Variants in KIF6 observed in about 807,000 individuals in gnomAD.
KIF6 encodes the protein kinesin-like protein KIF6.
KIF6 carries 106 observed loss-of-function variants against 112.7 expected under a neutral mutation model. The ratio of observed to expected loss-of-function variants is 0.94; its 90% CI spans 0.80 to 1.11. The LOEUF (loss-of-function observed/expected upper bound fraction) is 1.11, where lower values mean the gene tolerates loss of function less well. Ranked by LOEUF, KIF6 falls within the 50% of genes least tolerant of loss-of-function variation. The probability of loss-of-function intolerance (pLI) is 0.00; values close to 1 mark genes in which losing one functional copy is unlikely to be tolerated. For missense variants in KIF6, 929 were observed against 964.0 expected (o/e 0.96, Z 0.48); for synonymous variants, 339 against 339.9 (o/e 1.00, Z 0.03).
chr6:39,502,313 G>A (rs1020361769), intron 13 of KIF6, among the ~76,000 whole-genome samples: 2 of 152,094 alleles, frequency 1.3e-5, no homozygotes, highest in African/African-American at 4.8e-5. Context: ...CACAAGACCT[G>A]CATTGCAAGA....
intron 13 of KIF6, among the ~76,000 whole-genome samples, chr6:39,488,586 T>C (rs1009007021): frequency 6.6e-6 from 1 of 152,182 alleles, no homozygotes; most frequent in Non-Finnish European, 1.5e-5. Flanking sequence ...TGGTGGGAAC[T>C]AAGAGCCTAC....
chr6:39,495,590 A>G (rs577960263), intron 13 of KIF6, among the ~76,000 whole-genome samples: 2 of 152,332 alleles, frequency 1.3e-5, no homozygotes, highest in South Asian at 2.1e-4. Context: ...TTACGCAAAT[A>G]AAAGAGGTGG....
chr6:39,702,405 GAC>G (rs1342350007), intron 3 of KIF6, among the ~76,000 whole-genome samples: 3 of 152,162 alleles, frequency 2.0e-5, no homozygotes, highest in African/African-American at 7.2e-5. Context: ...GGCTGCAGAC[GAC>G]AGTGTCACAG....
intron 13 of KIF6, among the ~76,000 whole-genome samples, chr6:39,436,736 T>C (rs562889875): frequency 3.3e-5 from 5 of 152,310 alleles, no homozygotes; most frequent in South Asian, 4.1e-4. Flanking sequence ...TGTCTACTTT[T>C]ACATCAGTAC....
chr6:39,683,694 T>C (rs1385464502), intron 3 of KIF6, among the ~76,000 whole-genome samples: 1 of 152,030 alleles, frequency 6.6e-6, no homozygotes, highest in South Asian at 2.1e-4. Flanking sequence ...TAAGGGCTCA[T>C]GAAGGAGAGG....
At chr6:39,339,128 G>A (rs1320923005) in intron 22 of KIF6, among the ~76,000 whole-genome samples, 3 of 152,148 alleles carry the variant, frequency 2.0e-5, no homozygotes, top group African/African-American at 4.8e-5. Flanking sequence ...TTTGATTACC[G>A]TGGGCTCCCA....
intron 16 of KIF6, among the ~76,000 whole-genome samples, chr6:39,365,933 G>A (rs1765526861): frequency 6.6e-6 from 1 of 152,204 alleles, no homozygotes; most frequent in African/African-American, 2.4e-5. Flanking sequence ...GACGGCCAGG[G>A]CGGCCTGCTT....
chr6:39,701,777 T>C lies in KIF6; in HGVS notation c.251+12915A>G, dbSNP rs566985355. Reference sequence around the variant, plus strand: ...CATCATATCCTTCACCTGCAGTCACTAGTGAAGAATATTGGTTTTGCATTT... The same window carrying C: ...CATCATATCCTTCACCTGCAGTCACCAGTGAAGAATATTGGTTTTGCATTT... On this transcript the variant is annotated intron_variant, in intron 3 of 22. Coordinates refer to ENST00000287152, the MANE Select transcript of KIF6 (RefSeq NM_145027.6). 4.6e-5 allele frequency among the ~76,000 whole-genome samples: 7 copies of C among 152,330 alleles called. No individual in the cohort carries two copies. In the South Asian group the frequency reaches 6.2e-4, roughly 14 times the overall value.
chr6:39,470,542 G>C (rs1325925810), intron 13 of KIF6, among the ~76,000 whole-genome samples: 1 of 152,178 alleles, frequency 6.6e-6, no homozygotes, highest in Non-Finnish European at 1.5e-5. Flanking sequence ...TGAAACCCAG[G>C]AGGATGATTG....
At chr6:39,444,352 G>A (rs924034432) in intron 13 of KIF6, among the ~76,000 whole-genome samples, 1 of 152,164 alleles carries the variant, frequency 6.6e-6, no homozygotes, top group Non-Finnish European at 1.5e-5. Context: ...ACAATGTGAT[G>A]ATTTGATGCA....
intron 16 of KIF6, among the ~76,000 whole-genome samples, chr6:39,376,847 CTCTT>C (rs1418775745): frequency 6.6e-6 from 1 of 152,156 alleles, no homozygotes; most frequent in Non-Finnish European, 1.5e-5. Flanking sequence ...AGCTGCAGAA[CTCTT>C]TCTTCAAATA....
chr6:39,377,568 A>G (rs1401439117), intron 16 of KIF6, among the ~76,000 whole-genome samples: 1 of 152,162 alleles, frequency 6.6e-6, no homozygotes, highest in African/African-American at 2.4e-5. Context: ...GTCTTTACCA[A>G]TTTTACATCA....
At chr6:39,461,289 C>T (rs1773455092) in intron 13 of KIF6, among the ~76,000 whole-genome samples, 1 of 152,042 alleles carries the variant, frequency 6.6e-6, no homozygotes, top group African/African-American at 2.4e-5. Flanking sequence ...TATAGACCTA[C>T]GAGAGGAGAA....
intron 5 of KIF6, among the ~76,000 whole-genome samples, chr6:39,632,527 T>C (rs1784411410): frequency 6.6e-6 from 1 of 151,914 alleles, no homozygotes; most frequent in South Asian, 2.1e-4. Context: ...AGAGTTATAG[T>C]ATGCCCCAGT....
intron 3 of KIF6, among the ~76,000 whole-genome samples, chr6:39,648,890 C>A (rs1785315962): frequency 1.3e-5 from 2 of 151,860 alleles, no homozygotes; most frequent in South Asian, 4.2e-4. Flanking sequence ...ATGTTTTGGC[C>A]CAGGGCAGTG....
At chr6:39,422,157 C>T (rs935253781) in intron 14 of KIF6, among the ~76,000 whole-genome samples, 5 of 152,182 alleles carry the variant, frequency 3.3e-5, no homozygotes, top group Admixed American at 1.3e-4. Flanking sequence ...CTGAAATTCA[C>T]ATCAATGCTG....
At chr6:39,552,520 A>C (rs1217640262) in intron 10 of KIF6, among the ~76,000 whole-genome samples, 2 of 152,206 alleles carry the variant, frequency 1.3e-5, no homozygotes, top group African/African-American at 4.8e-5. Flanking sequence ...GAGATTTGAA[A>C]ACAATTCTTT....
At chr6:39,533,433 C>G (rs1056340706) in intron 13 of KIF6, among the ~76,000 whole-genome samples, 5 of 152,174 alleles carry the variant, frequency 3.3e-5, no homozygotes, top group African/African-American at 1.2e-4. Flanking sequence ...TGAGATCAAA[C>G]TGCAAGGAGG....
At chr6:39,658,240 A>C (rs1582385856) in intron 3 of KIF6, among the ~76,000 whole-genome samples, 1 of 152,188 alleles carries the variant, frequency 6.6e-6, no homozygotes, top group Non-Finnish European at 1.5e-5. Context: ...AGAACTATAC[A>C]CTAATATAAT....
Sources: gnomAD v4.1 joint callset for allele counts (sites outside exome capture counted in the v4.1 genomes callset) on GRCh38, gnomAD v4.1.1 for gene constraint, MANE v1.5 for transcripts, NCBI Gene and HGNC (gene_info 2026-07-23, HGNC 2026-07-21) for gene names.